The following TES variants were observed in gnomAD, a reference collection of about 807,000 sequenced individuals.
TES encodes testin.
A neutral mutation model predicts 48.2 loss-of-function variants in TES; 41 were observed. That is an observed-to-expected ratio of 0.85 (90% CI 0.66 to 1.10). The LOEUF is 1.10. TES is among the 50% of genes least tolerant of loss of function. The pLI, the probability that TES is intolerant of heterozygous loss-of-function variation, is 0.00. For missense variants in TES, 463 were observed against 515.1 expected (o/e 0.90, Z 0.98); for synonymous variants, 162 against 174.9 (o/e 0.93, Z 0.58).
chr7:116,215,087 A>G (rs1447595159), intron 1 of TES, among the ~76,000 whole-genome samples: 1 of 152,196 alleles, frequency 6.6e-6, no homozygotes, highest in African/African-American at 2.4e-5. Flanking sequence ...TGTTCAAAGC[A>G]ACCTTAGGAA....
intron 1 of TES, 117 bp from the exon 2 acceptor site, chr7:116,234,412 TATAAG>T (rs1367262451): frequency 1.0e-5 from 8 of 783,816 alleles, no homozygotes; most frequent in African/African-American, 8.9e-5. Flanking sequence ...ATTGACTAAA[TATAAG>T]ATTTGTTTGA....
chr7:116,235,884 G>C (rs552151447), intron 2 of TES, among the ~76,000 whole-genome samples: 1 of 152,272 alleles, frequency 6.6e-6, no homozygotes, highest in African/African-American at 2.4e-5. Context: ...TTAAAAACTA[G>C]TTTATTGAAT....
At chr7:116,230,803 T>C (rs1799690020) in intron 1 of TES, among the ~76,000 whole-genome samples, 1 of 152,240 alleles carries the variant, frequency 6.6e-6, no homozygotes, top group African/African-American at 2.4e-5. Context: ...TGCCCTCTTC[T>C]GCCACAGGCC....
intron 1 of TES, among the ~76,000 whole-genome samples, chr7:116,233,081 T>C (rs1424227816): frequency 1.3e-5 from 2 of 152,186 alleles, no homozygotes; most frequent in African/African-American, 4.8e-5. Flanking sequence ...CACAGCTTGG[T>C]AAAGTTACAA....
intron 1 of TES, among the ~76,000 whole-genome samples, chr7:116,223,237 A>C (rs963383135): frequency 2.6e-5 from 4 of 152,204 alleles, no homozygotes; most frequent in Admixed American, 6.5e-5. Flanking sequence ...TTACATATTA[A>C]GTTTCAAATA....
At chr7:116,238,479 C>G (rs1188898781) in intron 2 of TES, 2 of 151,924 alleles carry the variant, frequency 1.3e-5, no homozygotes, top group East Asian at 1.9e-4. Flanking sequence ...TGAATGATTT[C>G]TATGTGTCAC....
intron 1 of TES, among the ~76,000 whole-genome samples, chr7:116,219,237 AC>A (rs1387398292): frequency 1.3e-5 from 2 of 152,134 alleles, no homozygotes; most frequent in East Asian, 3.9e-4. Context: ...CAGTAAAACC[AC>A]CCTTGACATT....
chr7:116,240,525 A>G (rs988014694), intron 2 of TES, among the ~76,000 whole-genome samples: 3 of 151,938 alleles, frequency 2.0e-5, no homozygotes, highest in Non-Finnish European at 2.9e-5. Context: ...TTGCATATAT[A>G]TGTGTTAATG....
chr7:116,247,245 A>AG (rs1199282002), intron 2 of TES, among the ~76,000 whole-genome samples: 2 of 152,156 alleles, frequency 1.3e-5, no homozygotes, highest in African/African-American at 4.8e-5. Flanking sequence ...ACCTAAATCT[A>AG]GGATTATAAT....
At chr7:116,242,450 C>T (rs1173266630) in intron 2 of TES, among the ~76,000 whole-genome samples, 1 of 151,806 alleles carries the variant, frequency 6.6e-6, no homozygotes, top group African/African-American at 2.4e-5. Flanking sequence ...AAATTCTTAC[C>T]AAATAAAGAT....
At chr7:116,213,949 T>C (rs1799466117) in intron 1 of TES, among the ~76,000 whole-genome samples, 1 of 152,126 alleles carries the variant, frequency 6.6e-6, no homozygotes, top group Admixed American at 6.5e-5. Flanking sequence ...TCCTCTTTCC[T>C]TTCTGTGTTA....
chr7:116,240,295 T>C (rs567794330), intron 2 of TES, among the ~76,000 whole-genome samples: 1 of 152,248 alleles, frequency 6.6e-6, no homozygotes, highest in East Asian at 1.9e-4. Flanking sequence ...CTTGGAAAAA[T>C]AGTAAGTTTT....
chr7:116,255,108 A>G (rs1800078238), intron 6 of TES: 1 of 151,938 alleles, frequency 6.6e-6, no homozygotes, highest in African/African-American at 2.4e-5. Context: ...AACATGGCAG[A>G]TGCACCTACT....
chr7:116,210,819 G>T (rs947781231), intron 1 of TES, 85 bp downstream of exon 1: 35 of 1,157,868 alleles, frequency 3.0e-5, no homozygotes, highest in Non-Finnish European at 3.7e-5. Context: ...CGAGGTGGGT[G>T]GGGCTCGCGG....
intron 6 of TES, among the ~76,000 whole-genome samples, chr7:116,256,910 T>C (rs528016159): frequency 6.6e-6 from 1 of 152,240 alleles, no homozygotes; most frequent in African/African-American, 2.4e-5. Context: ...CAGGTAAAAT[T>C]ACCACTTCAA....
In TES at chr7:116,237,231, G is replaced by T. The variant is rs75672907; in HGVS notation, c.113+2612G>T. Among the ~76,000 whole-genome samples, 1,485 of 152,186 alleles carry T rather than the reference G, an allele frequency of 9.8e-3. 21 individuals are homozygous for T. Among genetic ancestry groups the T allele is most frequent in the African/African-American group, 0.034 (1,394 of 41,522 alleles). ...CTCCTCCAGCTTCATGGTGATCCTT[G>T]ACTTAGGACCCTGAGGGCTCCATCG... is the stretch of plus-strand genomic sequence containing the variant. On this transcript the variant is annotated intron_variant, in intron 2 of 6. Coordinates refer to ENST00000358204, the MANE Select transcript of TES (RefSeq NM_015641.4).
chr7:116,234,576 A>C lies in TES; in HGVS notation c.70A>C (p.Lys24Gln), dbSNP rs766435915. ...HEQGFGAPCLKCKEKCEGFEL... is the reference protein window; with the variant it reads ...HEQGFGAPCLQCKEKCEGFEL... ...GCAAGGATTTGGAGCCCCTTGTTTAAAATGCAAAGAAAAATGTGAAGGATT... is the reference window on the plus strand; with the variant it reads ...GCAAGGATTTGGAGCCCCTTGTTTACAATGCAAAGAAAAATGTGAAGGATT... The change falls in exon 2 of 7, where the codon AAA becomes CAA. Residue 24 changes from lysine to glutamine, a missense_variant. Physicochemically the swap from Lys to Gln is moderately conservative, Grantham distance 53. Transcript: ENST00000358204. 8.1e-6 allele frequency: 13 copies of C among 1,613,834 alleles called. No homozygotes were observed. The highest frequency in any genetic ancestry group is 1.1e-5 in the Non-Finnish European group (13 of 1,179,874).
At position 116,257,775 on chromosome 7, in the gene TES, T is replaced by G; in HGVS notation, c.*293T>G. The G allele has an allele frequency of 4.9e-6, 1 of 202,324 alleles. No homozygotes were observed. Among genetic ancestry groups the G allele is most frequent in the Non-Finnish European group, 1.0e-5 (1 of 100,342 alleles). 12.5% of individuals were successfully genotyped at this position (202,324 alleles called of 1,614,324 possible). ...GATCTCATTAAACTTCATGTCTCTATTCCATTTGTGCCACACACTTAAAAG... is the reference window on the plus strand; with the variant it reads ...GATCTCATTAAACTTCATGTCTCTAGTCCATTTGTGCCACACACTTAAAAG... On this transcript the variant is annotated 3_prime_UTR_variant, in exon 7 of 7. Coordinates refer to ENST00000358204, the MANE Select transcript of TES (RefSeq NM_015641.4).
intron 1 of TES, among the ~76,000 whole-genome samples, chr7:116,230,717 A>G (rs556788750): frequency 6.6e-6 from 1 of 152,352 alleles, no homozygotes; most frequent in Admixed American, 6.5e-5. Flanking sequence ...AAAGGAAAAC[A>G]AAACAAAGTA....
Sources: gnomAD v4.1 joint callset for allele counts (sites outside exome capture counted in the v4.1 genomes callset) on GRCh38, gnomAD v4.1.1 for gene constraint, MANE v1.5 for transcripts, NCBI Gene and HGNC (gene_info 2026-07-23, HGNC 2026-07-21) for gene names.